The following CEP135 variants were observed in gnomAD, a reference collection of about 807,000 sequenced individuals.
The protein encoded by CEP135 is centrosomal protein of 135 kDa.
A neutral mutation model predicts 157.3 loss-of-function variants in CEP135; 142 were observed. The ratio of observed to expected loss-of-function variants is 0.90; its 90% confidence interval spans 0.79 to 1.04. The LOEUF (loss-of-function observed/expected upper bound fraction) is 1.04, where lower values mean the gene tolerates loss of function less well. Ranked by LOEUF, CEP135 falls within the 50% of genes least tolerant of loss-of-function variation. The probability of loss-of-function intolerance (pLI) is 0.00; values close to 1 mark genes in which losing one functional copy is unlikely to be tolerated. For missense variants in CEP135, 1,317 were observed against 1,309.2 expected (o/e 1.01, Z -0.09); for synonymous variants, 396 against 439.8 (o/e 0.90, Z 1.25).
intron 6 of CEP135, among the ~76,000 whole-genome samples, chr4:55,962,103 CTT>C (rs940689579): frequency 4.9e-5 from 7 of 144,086 alleles, no homozygotes; most frequent in Admixed American, 1.4e-4. Flanking sequence ...TTAAAAAACT[CTT>C]ATTTTTTTTT....
At chr4:55,987,296 G>GC (rs1729621764) in intron 14 of CEP135, among the ~76,000 whole-genome samples, 2 of 152,122 alleles carry the variant, frequency 1.3e-5, no homozygotes, top group South Asian at 4.1e-4. Flanking sequence ...GCCTTGGGTA[G>GC]TTTACTCTGT....
At chr4:55,997,696 G>GTT (rs11376951) in intron 15 of CEP135, among the ~76,000 whole-genome samples, 1 of 151,924 alleles carries the variant, frequency 6.6e-6, no homozygotes, top group African/African-American at 2.4e-5. Flanking sequence ...CCTTGGACAA[G>GTT]TTTTTTTGTT....
chr4:56,030,186 G>T (rs1731294659), intron 25 of CEP135, among the ~76,000 whole-genome samples: 1 of 152,108 alleles, frequency 6.6e-6, no homozygotes, highest in African/African-American at 2.4e-5. Flanking sequence ...TTACGGAGCT[G>T]CCATCTCCTG....
At chr4:55,991,603 A>G (rs749231317) in intron 14 of CEP135, among the ~76,000 whole-genome samples, 1 of 151,856 alleles carries the variant, frequency 6.6e-6, no homozygotes. Context: ...TTTCCCCTCA[A>G]TTCAGTCCTA....
intron 14 of CEP135, among the ~76,000 whole-genome samples, chr4:55,989,739 G>A (rs866101863): frequency 2.0e-5 from 3 of 152,196 alleles, no homozygotes; most frequent in Non-Finnish European, 4.4e-5. Context: ...TGGGGGAAAT[G>A]TAAATTAAAA....
Position 55,984,972 on chromosome 4 carries a change from T to A in CEP135, c.1780-309T>A, listed in dbSNP as rs557758949. Among the ~76,000 whole-genome samples the A allele has an allele frequency of 9.2e-5, 14 of 152,350 alleles. 1 individual carries two copies. The South Asian group carries it at 2.7e-3, about 29-fold the overall frequency. ...CTTTTTATTTAACCTGCTGGTTTTG[T>A]CCTTTTATAGTTGTGCTATTATGGA... On this transcript the variant is annotated intron_variant, in intron 13 of 25. Coordinates refer to ENST00000257287, the MANE Select transcript of CEP135 (RefSeq NM_025009.5).
At chr4:55,963,370 C>T (rs188772692) in intron 6 of CEP135, among the ~76,000 whole-genome samples, 1 of 152,124 alleles carries the variant, frequency 6.6e-6, no homozygotes, top group Admixed American at 6.6e-5. Context: ...CCAGTCATAC[C>T]AAGCTATTTC....
intron 10 of CEP135, among the ~76,000 whole-genome samples, chr4:55,971,747 A>C (rs1729033123): frequency 6.6e-6 from 1 of 152,204 alleles, no homozygotes; most frequent in South Asian, 2.1e-4. Flanking sequence ...CTTTTCAAGG[A>C]AATGCAGTTA....
chr4:56,025,153 A>G (rs1199745450), intron 25 of CEP135, among the ~76,000 whole-genome samples: 1 of 152,126 alleles, frequency 6.6e-6, no homozygotes, highest in Admixed American at 6.6e-5. Context: ...GCAAGCAGCT[A>G]TCTCCAAAAA....
At chr4:56,015,707 A>G (rs573355916) in intron 21 of CEP135, among the ~76,000 whole-genome samples, 2 of 152,240 alleles carry the variant, frequency 1.3e-5, no homozygotes, top group East Asian at 3.9e-4. Context: ...GAAGCAGTTT[A>G]CTTGTTTTCC....
intron 9 of CEP135, among the ~76,000 whole-genome samples, chr4:55,970,742 T>C (rs1577875134): frequency 6.6e-6 from 1 of 152,354 alleles, no homozygotes. Context: ...AGAATGATAA[T>C]ATTGATAGCT....
intron 11 of CEP135, among the ~76,000 whole-genome samples, chr4:55,979,816 T>A (rs1729339961): frequency 6.6e-6 from 1 of 152,214 alleles, no homozygotes; most frequent in Admixed American, 6.5e-5. Flanking sequence ...ATACTGCTAA[T>A]GCTTCTGGTC....
intron 25 of CEP135, among the ~76,000 whole-genome samples, chr4:56,030,432 CTG>C (rs1156510973): frequency 6.6e-6 from 1 of 152,018 alleles, no homozygotes; most frequent in Non-Finnish European, 1.5e-5. Context: ...GACCATATTT[CTG>C]TGTGTGTGTT....
intron 21 of CEP135, among the ~76,000 whole-genome samples, chr4:56,015,384 C>T (rs190571110): frequency 1.1e-3 from 168 of 152,300 alleles, no homozygotes; most frequent in Non-Finnish European, 1.7e-3. Flanking sequence ...AACTCAGAGG[C>T]TGGTGGGGCT....
intron 1 of CEP135, among the ~76,000 whole-genome samples, chr4:55,950,715 A>T (rs1264136997): frequency 6.6e-6 from 1 of 152,120 alleles, no homozygotes; most frequent in East Asian, 1.9e-4. Flanking sequence ...ATAAATATTT[A>T]AAAAGACAAA....
In CEP135 at chr4:55,997,081, C is replaced by G. The variant is rs577920245; in HGVS notation, c.2010-2221C>G. On this transcript the variant is annotated intron_variant, in intron 15 of 25. Coordinates refer to ENST00000257287, the MANE Select transcript of CEP135 (RefSeq NM_025009.5). ...TTATAGCATTTTCGAAGCTAAGAAA[C>G]TGGTTCATTTTTCCTAACTTGATTC... Among the ~76,000 whole-genome samples, 26 of 152,324 alleles carry G rather than the reference C, an allele frequency of 1.7e-4. No individual in the cohort carries two copies. In the South Asian group the frequency reaches 2.1e-3, roughly 12 times the overall value.
At chr4:55,957,802 C>A (rs955481982) in intron 5 of CEP135, among the ~76,000 whole-genome samples, 1 of 152,096 alleles carries the variant, frequency 6.6e-6, no homozygotes, top group African/African-American at 2.4e-5. Context: ...ACATTTGAAT[C>A]ATATATAAAT....
chr4:55,960,083 G>T (rs1219718622), intron 6 of CEP135: 1 of 413,160 alleles, frequency 2.4e-6, no homozygotes, highest in East Asian at 3.8e-5. Flanking sequence ...ATTCATTGAG[G>T]TGAATAGTAG....
chr4:55,964,330 G>A lies in CEP135; in HGVS notation c.756G>A (p.Arg252=). ...TGTCAGTTGCTTTGGATGGTGGTCG[G>A]TCCCCTGATGTCCTTTCTCTGGAGT... The part of the protein sequence containing the change: ...ERLSVALDGG[R]SPDVLSLESR... The change falls in exon 7 of 26, where the codon CGG becomes CGA. Residue 252 remains arginine (R), a synonymous_variant. Coordinates refer to ENST00000257287, the MANE Select transcript of CEP135 (RefSeq NM_025009.5). 6.2e-7 allele frequency: 1 copy of A among 1,613,120 alleles called. No homozygotes were observed. The highest frequency in any genetic ancestry group is 8.5e-7 in the Non-Finnish European group (1 of 1,179,402).
Sources: allele counts gnomAD v4.1 joint callset (sites outside exome capture counted in the v4.1 genomes callset), GRCh38; gene constraint gnomAD v4.1.1; transcripts MANE v1.5; gene names NCBI Gene and HGNC (gene_info 2026-07-23, HGNC 2026-07-21).